PIK3R3: variants seen among roughly 807,000 people sequenced by gnomAD.
PIK3R3 encodes the protein phosphoinositide-3-kinase regulatory subunit 3, also known as phosphatidylinositol 3-kinase regulatory subunit gamma.
In PIK3R3, 64 loss-of-function variants were observed where a neutral mutation model predicts 62.9. The observed-to-expected ratio is 1.02, with a 90% CI of 0.83 to 1.25. PIK3R3 has a LOEUF of 1.25. Ranked by LOEUF, PIK3R3 falls within the 50% of genes most tolerant of loss-of-function variation. The probability of loss-of-function intolerance (pLI) is 0.00; values close to 1 mark genes in which losing one functional copy is unlikely to be tolerated. For missense variants in PIK3R3, 614 were observed against 561.6 expected, an observed-to-expected ratio of 1.09 and a Z score of -0.94; for synonymous variants, 165 against 189.0, an observed-to-expected ratio of 0.87 and a Z score of 1.04.
rs1233591180 is a variant in PIK3R3, at chr1:46,043,851, T to C, written c.1208A>G (p.His403Arg). ...CSVVADGEVK[H>R]CVIYSTARGY... Reference sequence around the variant, plus strand: ...CCGAGCAGTGCTGTAGATCACACAGTGCTTCACTTCCCCATCGGCCCTGCA... The same window carrying C: ...CCGAGCAGTGCTGTAGATCACACAGCGCTTCACTTCCCCATCGGCCCTGCA... The change falls in exon 10 of 10, where the codon CAC (histidine) becomes CGC (arginine). Residue 403 changes from histidine to arginine, a missense_variant. By Grantham distance (29) the His-to-Arg change is conservative. Transcript: ENST00000262741. 6.2e-7 allele frequency: 1 copy of C among 1,613,770 alleles called. No homozygotes were observed. Among genetic ancestry groups the C allele is most frequent in the South Asian group, 1.1e-5 (1 of 91,040 alleles).
At chr1:46,165,241 T>C in the PIK3R3 span, among the ~76,000 whole-genome samples, 1 of 152,032 alleles carries the variant, frequency 6.6e-6, no homozygotes, top group African/African-American at 2.4e-5. Flanking sequence ...GGGAGCACTA[T>C]TCAAACACCT....
intron 6 of PIK3R3, chr1:46,056,766 A>C (rs1647960696): frequency 6.6e-6 from 1 of 152,248 alleles, no homozygotes; most frequent in Non-Finnish European, 1.5e-5. Flanking sequence ...GCCAAAATAC[A>C]ACATGAGAGA....
chr1:46,158,715 C>T, the PIK3R3 span, among the ~76,000 whole-genome samples: 1 of 152,160 alleles, frequency 6.6e-6, no homozygotes, highest in South Asian at 2.1e-4. Context: ...AGAAACAGAA[C>T]TGGGATGGAG....
At chr1:46,149,302 AT>A in the PIK3R3 span, among the ~76,000 whole-genome samples, 2 of 151,526 alleles carry the variant, frequency 1.3e-5, no homozygotes, top group Non-Finnish European at 2.9e-5. Flanking sequence ...GGTGCCTGTA[AT>A]CCCAAATACT....
chr1:46,044,610 G>A lies in PIK3R3; in HGVS notation c.1188-739C>T, dbSNP rs1442895913. ...AAATGTTGCAAGTAGTTCTATCCTTGGATAACAGTAATCCAATGCACTTTT... is the reference window on the plus strand; with the variant it reads ...AAATGTTGCAAGTAGTTCTATCCTTAGATAACAGTAATCCAATGCACTTTT... On this transcript the variant is annotated intron_variant, in intron 9 of 9. Transcript: ENST00000262741. The surrounding 1 kb of genome is among the most constrained non-coding windows in gnomAD (Gnocchi z 4.2). 2.0e-5 allele frequency among the ~76,000 whole-genome samples: 3 copies of A among 152,054 alleles called. No homozygotes were observed. The East Asian group carries it at 5.8e-4, about 29-fold the overall frequency.
At chr1:46,080,140 C>T (rs1202011983) in intron 2 of PIK3R3, among the ~76,000 whole-genome samples, 1 of 149,276 alleles carries the variant, frequency 6.7e-6, no homozygotes, top group African/African-American at 2.5e-5. Context: ...CGGCTCACTG[C>T]AACCTCCGCC....
At chr1:46,077,650 C>G (rs1650190166) in intron 2 of PIK3R3, 37 bp from the exon 3 acceptor site, 1 of 1,335,758 alleles carries the variant, frequency 7.5e-7, no homozygotes, top group Non-Finnish European at 1.1e-6. Context: ...GAAAAAATGT[C>G]AACACTGGTG....
chr1:46,080,554 C>T (rs1650484115), intron 2 of PIK3R3, 88 bp downstream of exon 2: 2 of 864,616 alleles, frequency 2.3e-6, no homozygotes, highest in African/African-American at 1.7e-5. Context: ...AGCCACCATG[C>T]CCAGCTTAAA....
chr1:46,111,907 G>T (rs1438725216), intron 1 of PIK3R3, among the ~76,000 whole-genome samples: 1 of 152,116 alleles, frequency 6.6e-6, no homozygotes, highest in Admixed American at 6.5e-5. Context: ...CACCATATCA[G>T]TGAGGCCTCC....
chr1:46,046,492 G>T, intron 8 of PIK3R3, 59 bp downstream of exon 8: 1 of 1,077,836 alleles, frequency 9.3e-7, no homozygotes. Flanking sequence ...GTATAAACAA[G>T]GCGCATGTCT....
chr1:46,169,120 C>G, the PIK3R3 span, among the ~76,000 whole-genome samples: 2 of 152,204 alleles, frequency 1.3e-5, no homozygotes, highest in Non-Finnish European at 2.9e-5. Flanking sequence ...TCCTGAAACT[C>G]TCATCCATGG....
Position 46,041,495 on chromosome 1 carries a change from C to G in PIK3R3, c.*2178G>C. 5.7e-6 allele frequency: 1 copy of G among 175,878 alleles called. No individual in the cohort carries two copies. The highest frequency in any genetic ancestry group is 1.2e-5 in the Non-Finnish European group (1 of 81,344). The allele number at this position is 175,878 out of a possible 1,614,324, so 10.9% of individuals were successfully genotyped here. A position where few individuals can be genotyped will look rare whatever the true frequency, so the allele number is the denominator to read the frequency against. On this transcript the variant is annotated 3_prime_UTR_variant, in exon 10 of 10. Transcript: ENST00000262741. ...CCGCTGGTGTCTGCCCAACAAGGAG[C>G]AGACACATTACTGAATACTACAGCC...
At chr1:46,055,419 C>T (rs785469) in intron 7 of PIK3R3, among the ~76,000 whole-genome samples, 102,475 of 152,118 alleles carry the variant, frequency 0.67, 34,772 homozygotes, top group Non-Finnish European at 0.71. Flanking sequence ...CTAGAACCTA[C>T]TTCCCCTCAG....
rs1279146942 is a variant in PIK3R3, at chr1:46,041,558, A to G, written c.*2115T>C. 7.8e-5 allele frequency: 14 copies of G among 178,534 alleles called. No individual in the cohort carries two copies. The East Asian group carries it at 1.0e-3, about 13-fold the overall frequency. 11.1% of individuals were successfully genotyped at this position (178,534 alleles called of 1,614,324 possible). On this transcript the variant is annotated 3_prime_UTR_variant, in exon 10 of 10. Coordinates refer to ENST00000262741, the MANE Select transcript of PIK3R3 (RefSeq NM_003629.4). ...TTCCATTTTGGTTTAAAAGACACTC[A>G]GAACACACTGAAATTTTAGTACCAG... is the stretch of plus-strand genomic sequence containing the variant.
the PIK3R3 span, among the ~76,000 whole-genome samples, chr1:46,139,538 C>G: frequency 3.9e-5 from 6 of 152,124 alleles, no homozygotes; most frequent in African/African-American, 9.7e-5. Flanking sequence ...AACTCCTGAC[C>G]TCAGGGGATC....
chr1:46,151,896 G>A, the PIK3R3 span, among the ~76,000 whole-genome samples: 2 of 152,118 alleles, frequency 1.3e-5, no homozygotes, highest in African/African-American at 4.8e-5. Flanking sequence ...CATAGCTTGA[G>A]CTGCCTCTCC....
chr1:46,129,487 G>T (rs1655392115), intron 1 of PIK3R3, among the ~76,000 whole-genome samples: 1 of 151,480 alleles, frequency 6.6e-6, no homozygotes, highest in Non-Finnish European at 1.5e-5. Flanking sequence ...AAACCCATTG[G>T]AAGATTTATC....
the PIK3R3 span, among the ~76,000 whole-genome samples, chr1:46,157,040 C>T: frequency 6.6e-6 from 1 of 152,196 alleles, no homozygotes; most frequent in African/African-American, 2.4e-5. Context: ...GAACAGTCAC[C>T]TATGTTCAAG....
chr1:46,156,097 A>G, the PIK3R3 span, among the ~76,000 whole-genome samples: 2 of 152,120 alleles, frequency 1.3e-5, no homozygotes, highest in African/African-American at 4.8e-5. Flanking sequence ...AAAATGTGAA[A>G]CTATAGATGC....
Sources: gnomAD v4.1 joint callset for allele counts (sites outside exome capture counted in the v4.1 genomes callset) on GRCh38, gnomAD v4.1.1 for gene constraint, Gnocchi (gnomAD v3.1) non-coding constraint, MANE v1.5 for transcripts, NCBI Gene and HGNC (gene_info 2026-07-23, HGNC 2026-07-21) for gene names.